PTGER4: variants seen among roughly 807,000 people sequenced by gnomAD.
PTGER4 encodes the protein prostaglandin E2 receptor EP4 subtype.
In PTGER4, 11 loss-of-function variants were observed where a neutral mutation model predicts 33.2. The ratio of observed to expected loss-of-function variants is 0.33; its 90% CI spans 0.21 to 0.55. The LOEUF (loss-of-function observed/expected upper bound fraction) is 0.55, where lower values mean the gene tolerates loss of function less well. PTGER4 is among the 20% of genes least tolerant of loss of function. The probability of loss-of-function intolerance (pLI) is 0.92; values close to 1 mark genes in which losing one functional copy is unlikely to be tolerated. For synonymous variants in PTGER4, 275 were observed against 281.5 expected (o/e 0.98, Z 0.23); for missense variants, 481 against 650.2 (o/e 0.74, Z 2.83).
the PTGER4 span, among the ~76,000 whole-genome samples, chr5:40,744,389 AAAAT>A: frequency 3.3e-5 from 5 of 152,216 alleles, no homozygotes; most frequent in Admixed American, 3.3e-4. Flanking sequence ...ACCAGAATCA[AAAAT>A]AAAAACAGAC....
In PTGER4 at chr5:40,693,531, G is replaced by C. The variant is rs931096271; in HGVS notation, c.*1153G>C. On this transcript the variant is annotated 3_prime_UTR_variant, in exon 3 of 3. Transcript: ENST00000302472. ...AATTGGGGCACTTAATGGTCACCTT[G>C]TAACAGTTTTGTGTAACTCCCAGTG... 6.7e-5 allele frequency: 66 copies of C among 985,770 alleles called. No homozygotes were observed. The highest frequency in any genetic ancestry group is 6.1e-5 in the Admixed American group (1 of 16,264). The allele number at this position is 985,770 out of a possible 1,614,324, so 61.1% of individuals were successfully genotyped here. A position where few individuals can be genotyped will look rare whatever the true frequency, so the allele number is the denominator to read the frequency against.
At chr5:40,703,762 G>A in the PTGER4 span, among the ~76,000 whole-genome samples, 1 of 151,712 alleles carries the variant, frequency 6.6e-6, no homozygotes, top group Non-Finnish European at 1.5e-5. Flanking sequence ...AATTAGCTGG[G>A]CATGGTGGCA....
the PTGER4 span, among the ~76,000 whole-genome samples, chr5:40,736,780 AGAAATTGACAAAAAAT>A: frequency 6.6e-6 from 1 of 152,186 alleles, no homozygotes; most frequent in Admixed American, 6.5e-5. Flanking sequence ...CCTATGAGGT[AGAAATTGACAAAAAAT>A]AACTACCCAA....
the PTGER4 span, among the ~76,000 whole-genome samples, chr5:40,732,334 T>C: frequency 6.6e-6 from 1 of 152,086 alleles, no homozygotes; most frequent in Non-Finnish European, 1.5e-5. Flanking sequence ...TGGCATTACT[T>C]GTTCTCACTT....
At chr5:40,738,860 C>T in the PTGER4 span, among the ~76,000 whole-genome samples, 1 of 152,078 alleles carries the variant, frequency 6.6e-6, no homozygotes, top group Non-Finnish European at 1.5e-5. Flanking sequence ...TGTGAAGCAT[C>T]TGCTCCAACT....
the PTGER4 span, among the ~76,000 whole-genome samples, chr5:40,731,001 A>G: frequency 1.3e-5 from 2 of 152,218 alleles, no homozygotes; most frequent in Non-Finnish European, 2.9e-5. Context: ...AGCAGTAACT[A>G]TATCACCTAA....
chr5:40,734,779 T>C, the PTGER4 span, among the ~76,000 whole-genome samples: 1 of 152,128 alleles, frequency 6.6e-6, no homozygotes, highest in Non-Finnish European at 1.5e-5. Flanking sequence ...CAACAAGATA[T>C]AAAAGGTCCC....
chr5:40,727,864 A>C, the PTGER4 span, among the ~76,000 whole-genome samples: 136 of 152,348 alleles, frequency 8.9e-4, 1 homozygote, highest in Non-Finnish European at 1.1e-3. Context: ...TATAATAAAA[A>C]AGATGTTCAG....
At chr5:40,722,384 G>A in the PTGER4 span, among the ~76,000 whole-genome samples, 14 of 151,898 alleles carry the variant, frequency 9.2e-5, no homozygotes, top group Non-Finnish European at 1.6e-4. Context: ...GGGATGTGAG[G>A]AGCCCCTCTG....
the PTGER4 span, among the ~76,000 whole-genome samples, chr5:40,739,646 C>A: frequency 2.6e-5 from 4 of 152,186 alleles, no homozygotes; most frequent in Non-Finnish European, 5.9e-5. Context: ...ATGATTATAG[C>A]TTTCCTGAGG....
At chr5:40,694,188 T>A (rs954030878), downstream of PTGER4, among the ~76,000 whole-genome samples, 1 of 152,142 alleles carries the variant, frequency 6.6e-6, no homozygotes. Context: ...CTAGCTGAGA[T>A]TACAGGCGTG....
At chr5:40,743,712 T>C in the PTGER4 span, among the ~76,000 whole-genome samples, 1 of 152,122 alleles carries the variant, frequency 6.6e-6, no homozygotes, top group Non-Finnish European at 1.5e-5. Context: ...AGAAGGAGGT[T>C]GCAGTGAGCC....
chr5:40,693,655 A>C lies in PTGER4; in HGVS notation c.*1277A>C. On this transcript the variant is annotated 3_prime_UTR_variant, in exon 3 of 3. Coordinates refer to ENST00000302472, the MANE Select transcript of PTGER4 (RefSeq NM_000958.3). ...ATTGCTTGGTTGTAATTAAATTCTG[A>C]GCCTGATATTGATATGGTTTTAAGA... 5.1e-6 allele frequency: 5 copies of C among 982,990 alleles called. No homozygotes were observed. The highest frequency in any genetic ancestry group is 6.0e-6 in the Non-Finnish European group (5 of 827,194). 60.9% of individuals were successfully genotyped at this position (982,990 alleles called of 1,614,324 possible).
At chr5:40,712,879 G>C in the PTGER4 span, among the ~76,000 whole-genome samples, 1 of 152,136 alleles carries the variant, frequency 6.6e-6, no homozygotes, top group Non-Finnish European at 1.5e-5. Flanking sequence ...CATGATTCAT[G>C]TTACAGTAGC....
Position 40,681,550 on chromosome 5 carries a change from A to G in PTGER4, c.557A>G (p.Tyr186Cys), listed in dbSNP as rs762882031. The change falls in exon 2 of 3, where the codon TAC becomes TGC. Residue 186 changes from tyrosine (Y) to cysteine (C), a missense_variant. Tyr to Cys is a radical substitution (Grantham distance 194). Around this residue, in one of 7 missense-constraint regions of PTGER4, gnomAD observed 174 missense variants for 210.5 expected, o/e 0.83. Coordinates refer to ENST00000302472, the MANE Select transcript of PTGER4 (RefSeq NM_000958.3). The surrounding 1 kb of genome is among the most constrained non-coding windows in gnomAD (Gnocchi z 9.8). ...TNVTAHAAYS[Y>C]MYAGFSSFLI... ...GTGACGGCGCACGCCGCCTACTCCT[A>G]CATGTACGCGGGCTTCAGCTCCTTC... 5 of 1,612,230 alleles carry G rather than the reference A, an allele frequency of 3.1e-6. No homozygotes were observed. The highest frequency in any genetic ancestry group is 4.2e-6 in the Non-Finnish European group (5 of 1,180,018).
the PTGER4 span, among the ~76,000 whole-genome samples, chr5:40,735,951 C>G: frequency 6.6e-6 from 1 of 152,074 alleles, no homozygotes; most frequent in Non-Finnish European, 1.5e-5. Context: ...GCAGTGGGAG[C>G]AGAGAAATGG....
chr5:40,684,019 G>A (rs1364005527), intron 2 of PTGER4, among the ~76,000 whole-genome samples: 1 of 151,848 alleles, frequency 6.6e-6, no homozygotes, highest in Non-Finnish European at 1.5e-5. Context: ...TAAAATAGCA[G>A]TGGCATCAGT....
the PTGER4 span, among the ~76,000 whole-genome samples, chr5:40,729,215 A>G: frequency 1.3e-5 from 2 of 152,214 alleles, no homozygotes; most frequent in East Asian, 1.9e-4. Context: ...GAAGGTCCTC[A>G]TATCACTTGA....
At chr5:40,742,969 T>C in the PTGER4 span, among the ~76,000 whole-genome samples, 64 of 152,304 alleles carry the variant, frequency 4.2e-4, no homozygotes, top group African/African-American at 1.5e-3. Context: ...GCCTAGTAAG[T>C]GCCACAAATT....
Sources: gnomAD v4.1 joint callset for allele counts (sites outside exome capture counted in the v4.1 genomes callset) on GRCh38, gnomAD v4.1.1 for gene constraint, gnomAD v4.1.1 regional missense constraint, Gnocchi (gnomAD v3.1) non-coding constraint, MANE v1.5 for transcripts, NCBI Gene and HGNC (gene_info 2026-07-23, HGNC 2026-07-21) for gene names.